The following ZNF124 variants were observed in gnomAD, a reference collection of about 807,000 sequenced individuals.
ZNF124 encodes zinc finger protein 124, also known as zinc finger protein HZF-16.
A neutral mutation model predicts 26.6 loss-of-function variants in ZNF124; 25 were observed. The observed-to-expected ratio is 0.94, with a 90% CI of 0.68 to 1.31. The LOEUF (loss-of-function observed/expected upper bound fraction) is 1.31. Among genes scored for constraint, ZNF124 ranks in the 40% most tolerant of loss-of-function variants. ZNF124 has a pLI of 0.00. For missense variants in ZNF124, 444 were observed against 422.2 expected (o/e 1.05, Z -0.45); for synonymous variants, 129 against 133.3 (o/e 0.97, Z 0.22).
At chr1:247,142,843 T>C (rs1054999100) in intron 3 of ZNF124, among the ~76,000 whole-genome samples, 1 of 83,790 alleles carries the variant, frequency 1.2e-5, no homozygotes, top group Non-Finnish European at 2.3e-5. Context: ...GGTATTGTCT[T>C]TTTTTTTTTT....
chr1:247,124,123 C>T (rs996660227), intron 3 of ZNF124, among the ~76,000 whole-genome samples: 1 of 151,922 alleles, frequency 6.6e-6, no homozygotes, highest in African/African-American at 2.4e-5. Flanking sequence ...CCACTGCGCC[C>T]GGCCTACGTG....
chr1:247,163,204 G>A (rs576418321), intron 1 of ZNF124, among the ~76,000 whole-genome samples: 7 of 152,016 alleles, frequency 4.6e-5, no homozygotes, highest in Non-Finnish European at 1.0e-4. Flanking sequence ...ACTTTGAAAA[G>A]ATCTCAAATT....
Position 247,157,205 on chromosome 1 carries a change from T to C in ZNF124, c.417A>G (p.Ile139Met). Reference protein sequence around the residue: ...KVFNIPSSFQIHQRNHTGEKP... With the variant: ...KVFNIPSSFQMHQRNHTGEKP... ...TCTCTCCAGTGTGATTTCTCTGATG[T>C]ATCTGAAATGAACTGGGAATATTAA... Residue 139 changes from isoleucine (I) to methionine (M), a missense_variant, in exon 4 of 4, where the codon ATA becomes ATG. By Grantham distance (10) the Ile-to-Met change is conservative (BLOSUM62 1). Transcript: ENST00000543802. 6.2e-7 allele frequency: 1 copy of C among 1,614,152 alleles called. No individual in the cohort carries two copies. The highest frequency in any genetic ancestry group is 8.5e-7 in the Non-Finnish European group (1 of 1,179,930).
At position 247,166,905 on chromosome 1, in the gene ZNF124, A is replaced by G. The variant is rs1444383741; in HGVS notation, c.30+4943T>C. On this transcript the variant is annotated intron_variant, in intron 1 of 3. Transcript: ENST00000543802. ...CAGAAATCCTCACTTAAGTACTCAC[A>G]AGCCATATTTAGCAGCACAGTAAAA... is the stretch of plus-strand genomic sequence containing the variant. Among the ~76,000 whole-genome samples the G allele has an allele frequency of 2.0e-5, 3 of 152,236 alleles. No individual in the cohort carries two copies. In the East Asian group the frequency reaches 5.8e-4, roughly 29 times the overall value.
At chr1:247,159,475 A>G (rs1673351049) in intron 2 of ZNF124, among the ~76,000 whole-genome samples, 1 of 152,228 alleles carries the variant, frequency 6.6e-6, no homozygotes, top group Non-Finnish European at 1.5e-5. Context: ...ATAAACCAAT[A>G]TAAAACTATT....
In ZNF124 at chr1:247,157,074, C is replaced by T. The variant is rs775441423; in HGVS notation, c.548G>A (p.Cys183Tyr). ...TGEKRYECKQ[C>Y]GKAFSRSSHL... is the part of the protein sequence containing the mutation. ...ACTGGAACGACTGAAGGCTTTCCCA[C>T]ATTGCTTACATTCATAGCGTTTTTC... The change falls in exon 4 of 4, where the codon TGT (cysteine) becomes TAT (tyrosine). Residue 183 changes from cysteine (C) to tyrosine (Y), a missense_variant. Transcript: ENST00000543802. The T allele has an allele frequency of 2.5e-6, 4 of 1,614,160 alleles. No homozygotes were observed. Among genetic ancestry groups the T allele is most frequent in the Non-Finnish European group, 3.4e-6 (4 of 1,180,022 alleles).
chr1:247,154,935 TCAA>T (rs35985752), downstream of ZNF124, among the ~76,000 whole-genome samples: 14,410 of 152,204 alleles, frequency 0.095, 825 homozygotes, highest in Admixed American at 0.16. Context: ...GAGAAAAACT[TCAA>T]CAACACTTGA....
intron 1 of ZNF124, among the ~76,000 whole-genome samples, chr1:247,162,165 A>G (rs1673517148): frequency 6.6e-6 from 1 of 152,210 alleles, no homozygotes; most frequent in Non-Finnish European, 1.5e-5. Flanking sequence ...AACACACGTA[A>G]GTACATAGAC....
chr1:247,134,571 A>G (rs896352866), intron 3 of ZNF124, among the ~76,000 whole-genome samples: 1 of 152,242 alleles, frequency 6.6e-6, no homozygotes, highest in African/African-American at 2.4e-5. Context: ...CTAAATATAT[A>G]TGCACCCAAT....
chr1:247,124,871 T>C (rs1303777158), intron 3 of ZNF124, among the ~76,000 whole-genome samples: 2 of 152,136 alleles, frequency 1.3e-5, no homozygotes, highest in Non-Finnish European at 2.9e-5. Flanking sequence ...GATCATGGCT[T>C]ACTGCATCCT....
At chr1:247,164,877 C>T (rs1673687423) in intron 1 of ZNF124, among the ~76,000 whole-genome samples, 1 of 152,134 alleles carries the variant, frequency 6.6e-6, no homozygotes, top group Non-Finnish European at 1.5e-5. Flanking sequence ...GCTACTGTAA[C>T]CAAAACAGCA....
intron 3 of ZNF124, among the ~76,000 whole-genome samples, chr1:247,144,768 T>TTTTC: frequency 6.8e-6 from 1 of 146,078 alleles, no homozygotes; most frequent in East Asian, 1.9e-4. Context: ...GAAGATTATC[T>TTTTC]TTTCTTTCTT....
rs564746079 is a variant in ZNF124 at position 247,165,258 on chromosome 1, G to A, written c.31-5445C>T. Among the ~76,000 whole-genome samples, 356 of 152,224 alleles carry A rather than the reference G, an allele frequency of 2.3e-3. 2 individuals carry two copies. The highest frequency in any genetic ancestry group is 8.1e-3 in the African/African-American group (338 of 41,524). On this transcript the variant is annotated intron_variant, in intron 1 of 3. Transcript: ENST00000543802. ...TGGGATTACAGGCGTGAGCCACTGC[G>A]CCTGGCCAACCATCTGATTTTTGAC... is the stretch of plus-strand genomic sequence containing the variant.
At chr1:247,127,684 C>T (rs1306339481) in intron 3 of ZNF124, among the ~76,000 whole-genome samples, 2 of 148,658 alleles carry the variant, frequency 1.3e-5, no homozygotes, top group Non-Finnish European at 3.0e-5. Flanking sequence ...TTCTGATTGC[C>T]GGTGCATGCA....
chr1:247,137,499 A>G (rs1338397116), intron 3 of ZNF124, among the ~76,000 whole-genome samples: 1 of 148,352 alleles, frequency 6.7e-6, no homozygotes, highest in East Asian at 2.0e-4. Flanking sequence ...AAAAAAAAAA[A>G]AAAAAAAAAA....
chr1:247,150,395 T>C (rs1192786598), downstream of ZNF124, among the ~76,000 whole-genome samples: 1 of 152,132 alleles, frequency 6.6e-6, no homozygotes, highest in Non-Finnish European at 1.5e-5. Context: ...AATTATACAG[T>C]CTTCACAGAA....
At chr1:247,142,095 A>C (rs574759972) in intron 3 of ZNF124, among the ~76,000 whole-genome samples, 1 of 152,282 alleles carries the variant, frequency 6.6e-6, no homozygotes, top group Admixed American at 6.5e-5. Context: ...CTTCTGGGAG[A>C]AAGATAGGAC....
At chr1:247,144,976 A>G (rs1672725814) in intron 3 of ZNF124, among the ~76,000 whole-genome samples, 1 of 152,038 alleles carries the variant, frequency 6.6e-6, no homozygotes, top group African/African-American at 2.4e-5. Flanking sequence ...GGGTTTCACC[A>G]TATTGGCCAG....
chr1:247,155,776 G>C lies in ZNF124; in HGVS notation c.*790C>G. 1 of 296,862 alleles carries C rather than the reference G, an allele frequency of 3.4e-6. No homozygotes were observed. The highest frequency in any genetic ancestry group is 5.0e-6 in the Non-Finnish European group (1 of 201,082). The allele number at this position is 296,862 out of a possible 1,614,324, so 18.4% of individuals were successfully genotyped here. ...CTCAGGAGGCTGAGGCAGGAGAATG[G>C]CGTGAACCTGGGAGGCAGAGCTTAC... On this transcript the variant is annotated 3_prime_UTR_variant, in exon 4 of 4. Transcript: ENST00000543802.
Sources: gnomAD v4.1 joint callset for allele counts (sites outside exome capture counted in the v4.1 genomes callset) on GRCh38, gnomAD v4.1.1 for gene constraint, MANE v1.5 for transcripts, NCBI Gene and HGNC (gene_info 2026-07-23, HGNC 2026-07-21) for gene names.